The following GNAI3 variants were observed in gnomAD, a reference collection of about 807,000 sequenced individuals.
GNAI3 encodes G protein subunit alpha i3.
A neutral mutation model predicts 41.8 loss-of-function variants in GNAI3; 12 were observed. That is an observed-to-expected ratio of 0.29 (90% CI 0.18 to 0.47). The LOEUF (loss-of-function observed/expected upper bound fraction) is 0.47, where lower values mean the gene tolerates loss of function less well. GNAI3 is among the 20% of genes least tolerant of loss of function. The pLI is 1.00. For synonymous variants in GNAI3, 132 were observed against 146.5 expected (o/e 0.90, Z 0.71); for missense variants, 360 against 429.6 (o/e 0.84, Z 1.43).
intron 5 of GNAI3, among the ~76,000 whole-genome samples, chr1:109,583,382 T>C (rs1648944061): frequency 6.6e-6 from 1 of 151,994 alleles, no homozygotes; most frequent in Non-Finnish European, 1.5e-5. Flanking sequence ...GCTAATGTTT[T>C]AAAAAAATTT....
chr1:109,565,090 G>C (rs779573791), intron 1 of GNAI3, among the ~76,000 whole-genome samples: 1 of 151,750 alleles, frequency 6.6e-6, no homozygotes, highest in East Asian at 1.9e-4. Context: ...GTGAAACCCC[G>C]TCTCTACTAA....
intron 7 of GNAI3, among the ~76,000 whole-genome samples, chr1:109,587,249 T>C (rs1001052938): frequency 6.6e-6 from 1 of 152,076 alleles, no homozygotes. Flanking sequence ...GACACCCCCC[T>C]GCCTCACAAA....
intron 1 of GNAI3, among the ~76,000 whole-genome samples, chr1:109,554,278 T>C (rs866687446): frequency 8.5e-5 from 13 of 152,316 alleles, no homozygotes; most frequent in South Asian, 2.1e-4. Flanking sequence ...ATGGTAGATA[T>C]ACTTTTAGTT....
intron 7 of GNAI3, among the ~76,000 whole-genome samples, chr1:109,590,233 G>A (rs1234428635): frequency 6.6e-6 from 1 of 152,208 alleles, no homozygotes; most frequent in African/African-American, 2.4e-5. Context: ...CAAGTTTTAG[G>A]ATTGGGGGAG....
intron 3 of GNAI3, among the ~76,000 whole-genome samples, chr1:109,578,409 A>G (rs1313664022): frequency 6.7e-6 from 1 of 149,716 alleles, no homozygotes; most frequent in African/African-American, 2.5e-5. Flanking sequence ...GGCGGAGGTT[A>G]CAAGGAGCCG....
intron 1 of GNAI3, among the ~76,000 whole-genome samples, chr1:109,559,788 C>T (rs1398569569): frequency 6.6e-6 from 1 of 152,140 alleles, no homozygotes; most frequent in Non-Finnish European, 1.5e-5. Context: ...AAGCATTTAT[C>T]TTGTCCAGGT....
chr1:109,571,009 A>G (rs1468183194), intron 1 of GNAI3, among the ~76,000 whole-genome samples: 1 of 152,196 alleles, frequency 6.6e-6, no homozygotes, highest in Non-Finnish European at 1.5e-5. Flanking sequence ...TATATTAACT[A>G]TTTATATTGC....
intron 1 of GNAI3, among the ~76,000 whole-genome samples, chr1:109,572,843 G>C (rs866617097): frequency 1.3e-5 from 2 of 152,126 alleles, no homozygotes; most frequent in Non-Finnish European, 2.9e-5. Context: ...ACCTTGAGTA[G>C]GTAAAATGAA....
At chr1:109,548,906 G>A in intron 1 of GNAI3, 68 bp downstream of exon 1, 1 of 1,038,772 alleles carries the variant, frequency 9.6e-7, no homozygotes, top group Non-Finnish European at 1.5e-6. Context: ...GCCTGAACGG[G>A]GTCTGGTCGG....
rs570412226 is a variant in GNAI3 at position 109,549,044 on chromosome 1, C to T, written c.118+206C>T. Among the ~76,000 whole-genome samples the T allele has an allele frequency of 2.6e-5, 4 of 152,122 alleles. No individual in the cohort carries two copies. The South Asian group carries it at 8.3e-4, about 32-fold the overall frequency. ...GGGTTTTGGGGTTGCGGGAATTAGG[C>T]TGTAGAGGGTGTGACTCCGGGCTAG... On this transcript the variant is annotated intron_variant, in intron 1 of 8. Transcript: ENST00000369851.
intron 7 of GNAI3, among the ~76,000 whole-genome samples, chr1:109,590,229 T>TCC (rs1649134587): frequency 6.6e-6 from 1 of 152,178 alleles, no homozygotes; most frequent in African/African-American, 2.4e-5. Flanking sequence ...CAACCAAGTT[T>TCC]TAGGATTGGG....
At chr1:109,557,857 T>G (rs945606425) in intron 1 of GNAI3, among the ~76,000 whole-genome samples, 2 of 152,138 alleles carry the variant, frequency 1.3e-5, no homozygotes, top group African/African-American at 4.8e-5. Flanking sequence ...TGATGGGGTA[T>G]CATGAGTTTT....
chr1:109,567,340 A>C (rs1648483531), intron 1 of GNAI3, among the ~76,000 whole-genome samples: 1 of 152,238 alleles, frequency 6.6e-6, no homozygotes, highest in Non-Finnish European at 1.5e-5. Context: ...GAGATGTTTC[A>C]GGTACCCCTG....
At chr1:109,578,929 T>C (rs1317097227) in intron 3 of GNAI3, among the ~76,000 whole-genome samples, 1 of 152,172 alleles carries the variant, frequency 6.6e-6, no homozygotes, top group Non-Finnish European at 1.5e-5. Flanking sequence ...ATTTGTGGGC[T>C]GGCCAGAAAT....
At chr1:109,571,089 G>C (rs1209346436) in intron 1 of GNAI3, among the ~76,000 whole-genome samples, 1 of 152,110 alleles carries the variant, frequency 6.6e-6, no homozygotes, top group African/African-American at 2.4e-5. Context: ...TGTCTTATCT[G>C]CACGTTAGTC....
chr1:109,581,891 AAAAAC>A (rs71069694), intron 4 of GNAI3, among the ~76,000 whole-genome samples: 62,442 of 150,620 alleles, frequency 0.41, 15,005 homozygotes, highest in East Asian at 0.64. Context: ...TCTGTCTCAA[AAAAAC>A]AAAACAAAAC....
At position 109,548,825 on chromosome 1, in the gene GNAI3, G is replaced by C; in HGVS notation, c.105G>C (p.Lys35Asn). ...EDGEKAAKEV[K>N]LLLLGAGESG... ...GGGAAAAAGCGGCCAAAGAAGTGAAGCTGCTGCTACTCGGTGAGGGGCTGG... is the reference window on the plus strand; with the variant it reads ...GGGAAAAAGCGGCCAAAGAAGTGAACCTGCTGCTACTCGGTGAGGGGCTGG... The change falls in exon 1 of 9, where the codon AAG becomes AAC. Residue 35 changes from lysine to asparagine, a missense_variant. Physicochemically the swap from Lys to Asn is moderately conservative, Grantham distance 94 (BLOSUM62 0). Transcript: ENST00000369851. 2,340 of 1,529,446 alleles carry C rather than the reference G, an allele frequency of 1.5e-3. No homozygotes were observed. The highest frequency in any genetic ancestry group is 1.9e-3 in the Non-Finnish European group (2,139 of 1,104,292). The allele number at this position is 1,529,446 out of a possible 1,614,324, so 94.7% of individuals were successfully genotyped here.
chr1:109,561,529 G>T (rs763056311), intron 1 of GNAI3, among the ~76,000 whole-genome samples: 19 of 151,564 alleles, frequency 1.3e-4, no homozygotes, highest in Non-Finnish European at 1.8e-4. Context: ...ATTTAGTCAA[G>T]GCTACTTTTT....
intron 1 of GNAI3, among the ~76,000 whole-genome samples, chr1:109,572,495 G>C (rs765310377): frequency 6.6e-6 from 1 of 152,150 alleles, no homozygotes; most frequent in Non-Finnish European, 1.5e-5. Flanking sequence ...TGTCAAGATG[G>C]AAGTTTTTGG....
Sources: allele counts gnomAD v4.1 joint callset (sites outside exome capture counted in the v4.1 genomes callset), GRCh38; gene constraint gnomAD v4.1.1; transcripts MANE v1.5; gene names NCBI Gene and HGNC (gene_info 2026-07-23, HGNC 2026-07-21).